PHACTR4: variants seen among roughly 807,000 people sequenced by gnomAD.
PHACTR4 encodes the protein protein phosphatase 1, regulatory subunit 124.
Under a neutral mutation model 72.7 loss-of-function variants are expected in PHACTR4, and 51 were observed. The ratio of observed to expected loss-of-function variants is 0.70; its 90% confidence interval spans 0.56 to 0.89. PHACTR4 has a LOEUF of 0.89. PHACTR4 is among the 40% of genes least tolerant of loss of function. PHACTR4 has a pLI of 0.00. For synonymous variants in PHACTR4, 255 were observed against 302.5 expected (o/e 0.84, Z 1.63); for missense variants, 731 against 861.8 (o/e 0.85, Z 1.90).
chr1:28,399,360 G>T (rs1653775382), intron 1 of PHACTR4, among the ~76,000 whole-genome samples: 1 of 152,128 alleles, frequency 6.6e-6, no homozygotes, highest in Non-Finnish European at 1.5e-5. Flanking sequence ...AATTTCTGCT[G>T]TGTATAAATA....
Position 28,466,775 on chromosome 1 carries a change from A to C in PHACTR4, c.823+7A>C, listed in dbSNP as rs750232329. 11 of 1,605,676 alleles carry C rather than the reference A, an allele frequency of 6.9e-6. No individual in the cohort carries two copies. In the Admixed American group the frequency reaches 1.2e-4, roughly 17 times the overall value. On this transcript the variant is annotated splice_region_variant and intron_variant, in intron 6 of 13. Coordinates refer to ENST00000373839, the MANE Select transcript of PHACTR4 (RefSeq NM_001048183.3). ...AATAGCAACCCTGTCATTGGTAAGT[A>C]AGTCTTTAGGCTTCCAGTGTTTTGG... is the stretch of plus-strand genomic sequence containing the variant.
At chr1:28,433,462 C>CTTTTTTTTTTTTTTTTTTT (rs567134987) in intron 2 of PHACTR4, among the ~76,000 whole-genome samples, 1 of 130,532 alleles carries the variant, frequency 7.7e-6, no homozygotes, top group African/African-American at 2.9e-5. Context: ...TTCTTTTTTT[C>CTTTTTTTTTTTTTTTTTTT]TTTTTTTTTT....
Position 28,496,796 on chromosome 1 carries a change from T to C in PHACTR4, c.*247T>C, listed in dbSNP as rs1333596396. ...TATTGTAGCATGCTTGAGGAGTTTT[T>C]CCCTTACTGGCCACCAAAGTTCTGA... is the stretch of plus-strand genomic sequence containing the variant. On this transcript the variant is annotated 3_prime_UTR_variant, in exon 14 of 14. Coordinates refer to ENST00000373839, the MANE Select transcript of PHACTR4 (RefSeq NM_001048183.3). 3.5e-6 allele frequency: 2 copies of C among 564,722 alleles called. No homozygotes were observed. Among genetic ancestry groups the C allele is most frequent in the Non-Finnish European group, 6.3e-6 (2 of 316,132 alleles). 35.0% of individuals were successfully genotyped at this position (564,722 alleles called of 1,614,324 possible). A position where few individuals can be genotyped will look rare whatever the true frequency, so the allele number is the denominator to read the frequency against.
intron 1 of PHACTR4, among the ~76,000 whole-genome samples, chr1:28,400,075 G>C (rs755616819): frequency 6.6e-6 from 1 of 152,100 alleles, no homozygotes; most frequent in Non-Finnish European, 1.5e-5. Context: ...ATAGGCCGTG[G>C]TAAGAAATTT....
At chr1:28,429,678 G>A (rs369114120) in intron 2 of PHACTR4, among the ~76,000 whole-genome samples, 1 of 152,322 alleles carries the variant, frequency 6.6e-6, no homozygotes, top group East Asian at 1.9e-4. Flanking sequence ...AATACTCGGT[G>A]CGTGTATACT....
chr1:28,474,220 T>C, intron 7 of PHACTR4, 69 bp downstream of exon 7: 1 of 1,419,876 alleles, frequency 7.0e-7, no homozygotes, highest in Non-Finnish European at 9.5e-7. Flanking sequence ...AAAAAATTAC[T>C]TATAAAAAGA....
intron 8 of PHACTR4, among the ~76,000 whole-genome samples, chr1:28,479,418 G>C (rs1206019462): frequency 4.4e-4 from 45 of 101,746 alleles, no homozygotes; most frequent in African/African-American, 2.7e-3. Context: ...AGACTCTGTC[G>C]CAAAAAAAAA....
At chr1:28,433,076 G>A in intron 2 of PHACTR4, 1 of 985,276 alleles carries the variant, frequency 1.0e-6, no homozygotes, top group Non-Finnish European at 1.2e-6. Context: ...AGTAAAATAG[G>A]AAGAGAATCA....
chr1:28,375,575 A>G (rs1305151505), intron 1 of PHACTR4, among the ~76,000 whole-genome samples: 3 of 151,870 alleles, frequency 2.0e-5, no homozygotes, highest in African/African-American at 7.2e-5. Context: ...ACTCCCAGTT[A>G]CTCAGGAAGC....
At chr1:28,449,421 T>C (rs933321404) in intron 2 of PHACTR4, among the ~76,000 whole-genome samples, 1 of 152,188 alleles carries the variant, frequency 6.6e-6, no homozygotes, top group Non-Finnish European at 1.5e-5. Context: ...GGGCATATTG[T>C]TTAATCCTGT....
intron 2 of PHACTR4, among the ~76,000 whole-genome samples, chr1:28,413,398 G>C (rs951988254): frequency 6.6e-6 from 1 of 152,134 alleles, no homozygotes; most frequent in African/African-American, 2.4e-5. Flanking sequence ...GTCATCCTGG[G>C]TTATCCAGTC....
chr1:28,387,480 T>C (rs966034047), intron 1 of PHACTR4, among the ~76,000 whole-genome samples: 9 of 152,194 alleles, frequency 5.9e-5, no homozygotes, highest in African/African-American at 2.2e-4. Flanking sequence ...ACTTTCTTCT[T>C]CCTTTTACTT....
chr1:28,412,705 G>C (rs1654865089), intron 2 of PHACTR4, among the ~76,000 whole-genome samples: 1 of 152,158 alleles, frequency 6.6e-6, no homozygotes, highest in Admixed American at 6.5e-5. Flanking sequence ...TATGTATTTA[G>C]TTTTACCTCT....
chr1:28,460,663 C>G (rs1204409852), intron 4 of PHACTR4, among the ~76,000 whole-genome samples: 1 of 152,188 alleles, frequency 6.6e-6, no homozygotes, highest in African/African-American at 2.4e-5. Flanking sequence ...CACCTGTCAC[C>G]ACCCCCAGCT....
intron 2 of PHACTR4, among the ~76,000 whole-genome samples, chr1:28,446,642 G>A (rs1032046260): frequency 2.6e-5 from 4 of 152,094 alleles, no homozygotes; most frequent in African/African-American, 9.7e-5. Context: ...AGCCGGGCAT[G>A]GTGGCGTGTG....
intron 9 of PHACTR4, among the ~76,000 whole-genome samples, chr1:28,480,919 C>A (rs1374755240): frequency 6.6e-6 from 1 of 152,178 alleles, no homozygotes; most frequent in Admixed American, 6.6e-5. Flanking sequence ...GAACTGCTGG[C>A]CTCAAGTGAT....
intron 1 of PHACTR4, among the ~76,000 whole-genome samples, chr1:28,386,873 A>G (rs911940835): frequency 5.9e-5 from 9 of 152,194 alleles, no homozygotes; most frequent in South Asian, 2.1e-4. Context: ...GATGATGTGT[A>G]TATTTCTTGT....
At chr1:28,475,142 G>T (rs116406560) in intron 7 of PHACTR4, among the ~76,000 whole-genome samples, 3,175 of 152,056 alleles carry the variant, frequency 0.021, 127 homozygotes, top group African/African-American at 0.073. Context: ...TTAGAGATGG[G>T]ATTTTGCCAT....
intron 1 of PHACTR4, among the ~76,000 whole-genome samples, chr1:28,404,953 C>T (rs1654215756): frequency 6.6e-6 from 1 of 152,030 alleles, no homozygotes; most frequent in South Asian, 2.1e-4. Context: ...TGTTGTTCCC[C>T]TCCTAGTATC....
Sources: gnomAD v4.1 joint callset for allele counts (sites outside exome capture counted in the v4.1 genomes callset) on GRCh38, gnomAD v4.1.1 for gene constraint, MANE v1.5 for transcripts, NCBI Gene and HGNC (gene_info 2026-07-23, HGNC 2026-07-21) for gene names.